KIAA1217: variants seen among roughly 807,000 people sequenced by gnomAD.
KIAA1217 encodes the protein KIAA1217.
In KIAA1217, 88 loss-of-function variants were observed where a neutral mutation model predicts 163.9. The ratio of observed to expected loss-of-function variants is 0.54; its 90% CI spans 0.45 to 0.64. KIAA1217 has a LOEUF of 0.64. Among genes scored for constraint, KIAA1217 ranks in the 30% least tolerant of loss-of-function variants. KIAA1217 has a pLI of 0.00. For synonymous variants in KIAA1217, 903 were observed against 923.1 expected, an observed-to-expected ratio of 0.98 and a Z score of 0.39; for missense variants, 2,372 against 2,475.0, an observed-to-expected ratio of 0.96 and a Z score of 0.88.
intron 2 of KIAA1217, among the ~76,000 whole-genome samples, chr10:24,337,129 C>A (rs145380792): frequency 5.1e-4 from 78 of 152,314 alleles, no homozygotes; most frequent in African/African-American, 1.8e-3. Flanking sequence ...AGGCAACTCA[C>A]ACTGTGAGAT....
At chr10:23,718,989 A>G (rs776197270) in intron 1 of KIAA1217, among the ~76,000 whole-genome samples, 5 of 152,166 alleles carry the variant, frequency 3.3e-5, no homozygotes, top group Admixed American at 1.3e-4. Context: ...GTGTTTGACA[A>G]TTCCTCAGAA....
At chr10:23,749,152 C>A (rs1839595423) in intron 1 of KIAA1217, among the ~76,000 whole-genome samples, 1 of 149,814 alleles carries the variant, frequency 6.7e-6, no homozygotes, top group African/African-American at 2.5e-5. Flanking sequence ...CTGATTCAAT[C>A]CAATCAAGCA....
At chr10:23,934,623 A>ATTTTTTTTT (rs1475453455) in intron 1 of KIAA1217, among the ~76,000 whole-genome samples, 977 of 61,138 alleles carry the variant, frequency 0.016, 47 homozygotes, top group Middle Eastern at 0.026. Context: ...ATATATATAT[A>ATTTTTTTTT]TATTTTTTTT....
At chr10:24,287,120 G>A (rs1228055765) in intron 2 of KIAA1217, among the ~76,000 whole-genome samples, 5 of 151,784 alleles carry the variant, frequency 3.3e-5, no homozygotes, top group African/African-American at 4.8e-5. Context: ...GTGTGATCTC[G>A]GCTCACTGCA....
intron 1 of KIAA1217, among the ~76,000 whole-genome samples, chr10:23,942,093 A>G (rs1002907595): frequency 1.3e-5 from 2 of 152,204 alleles, no homozygotes; most frequent in African/African-American, 4.8e-5. Context: ...CTCAATACAT[A>G]TTACATATAA....
intron 2 of KIAA1217, among the ~76,000 whole-genome samples, chr10:24,007,743 A>G (rs918793817): frequency 6.6e-6 from 1 of 152,198 alleles, no homozygotes; most frequent in African/African-American, 2.4e-5. Flanking sequence ...TTGGCAAAGG[A>G]TAGAGGGAAC....
chr10:23,934,625 A>ATATATATATATATATT (rs1554826424), intron 1 of KIAA1217, among the ~76,000 whole-genome samples: 1 of 68,570 alleles, frequency 1.5e-5, no homozygotes, highest in African/African-American at 9.2e-5. Flanking sequence ...ATATATATAT[A>ATATATATATATATATT]TTTTTTTTTT....
chr10:24,173,832 G>A (rs889386702), intron 2 of KIAA1217, among the ~76,000 whole-genome samples: 2 of 152,050 alleles, frequency 1.3e-5, no homozygotes, highest in African/African-American at 4.8e-5. Flanking sequence ...TTCCTCCAAG[G>A]ACTGTGACTT....
At chr10:24,430,271 C>CCCCT (rs56331898) in intron 3 of KIAA1217, among the ~76,000 whole-genome samples, 25,266 of 152,138 alleles carry the variant, frequency 0.17, 2,133 homozygotes, top group Non-Finnish European at 0.18. Flanking sequence ...GGCATATCAG[C>CCCCT]CCCTTCCCCT....
At chr10:23,858,630 TA>T (rs1175499821) in intron 1 of KIAA1217, among the ~76,000 whole-genome samples, 1 of 152,150 alleles carries the variant, frequency 6.6e-6, no homozygotes, top group East Asian at 1.9e-4. Flanking sequence ...AGTATAATCA[TA>T]AGTCTAATTT....
intron 1 of KIAA1217, among the ~76,000 whole-genome samples, chr10:23,703,514 A>G (rs971569827): frequency 5.3e-5 from 8 of 152,186 alleles, no homozygotes; most frequent in Non-Finnish European, 1.0e-4. Flanking sequence ...TGCAGGGGGA[A>G]AAAAGCCCTG....
chr10:24,002,970 A>G (rs1302620945), intron 1 of KIAA1217, among the ~76,000 whole-genome samples: 1 of 152,186 alleles, frequency 6.6e-6, no homozygotes, highest in African/African-American at 2.4e-5. Flanking sequence ...GATTGCTGCA[A>G]ATGCCATTAT....
intron 2 of KIAA1217, among the ~76,000 whole-genome samples, chr10:24,008,965 G>A (rs1372005016): frequency 5.3e-5 from 8 of 152,160 alleles, no homozygotes; most frequent in East Asian, 1.9e-4. Context: ...GCGCTTTAGC[G>A]TTGTACAAGC....
Position 24,452,851 on chromosome 10 carries a change from C to G in KIAA1217, c.846+14372C>G, listed in dbSNP as rs929832840. On this transcript the variant is annotated intron_variant, in intron 5 of 20. Coordinates refer to ENST00000376454, the MANE Select transcript of KIAA1217 (RefSeq NM_019590.5). ...TGAGGTGACAGACACCCCATTTACC[C>G]TGATGCGATTATTACACATTGCATG... 6.6e-5 allele frequency among the ~76,000 whole-genome samples: 10 copies of G among 152,218 alleles called. 2 individuals carry two copies. The highest frequency in any genetic ancestry group is 2.0e-4 in the Admixed American group (3 of 15,288).
At chr10:23,757,671 C>G (rs1403483502) in intron 1 of KIAA1217, among the ~76,000 whole-genome samples, 2 of 152,070 alleles carry the variant, frequency 1.3e-5, no homozygotes, top group African/African-American at 2.4e-5. Flanking sequence ...GTGCATGCCA[C>G]CACACCTGGC....
intron 1 of KIAA1217, among the ~76,000 whole-genome samples, chr10:24,213,848 A>G (rs1418627849): frequency 2.6e-5 from 4 of 152,228 alleles, no homozygotes; most frequent in African/African-American, 9.6e-5. Context: ...TTCAGCTGTA[A>G]TTTCTGTGCT....
intron 2 of KIAA1217, among the ~76,000 whole-genome samples, chr10:24,339,495 T>C (rs2046796891): frequency 6.6e-6 from 1 of 152,370 alleles, no homozygotes; most frequent in South Asian, 2.1e-4. Context: ...CATGGACCTA[T>C]TGAATTACTA....
intron 1 of KIAA1217, among the ~76,000 whole-genome samples, chr10:23,830,253 G>A (rs1838114579): frequency 6.6e-6 from 1 of 152,062 alleles, no homozygotes; most frequent in South Asian, 2.1e-4. Flanking sequence ...ATTTGTTTGG[G>A]GATAGAATGT....
At chr10:24,177,294 T>A (rs1417526857) in intron 2 of KIAA1217, among the ~76,000 whole-genome samples, 9 of 67,490 alleles carry the variant, frequency 1.3e-4, no homozygotes, top group African/African-American at 3.3e-4. Flanking sequence ...TATATATATA[T>A]ATATTACAAT....
Sources: allele counts gnomAD v4.1 joint callset (sites outside exome capture counted in the v4.1 genomes callset), GRCh38; gene constraint gnomAD v4.1.1; transcripts MANE v1.5; gene names NCBI Gene and HGNC (gene_info 2026-07-23, HGNC 2026-07-21).